ERBB4: variants seen among roughly 807,000 people sequenced by gnomAD.
The protein encoded by ERBB4 is erb-b2 receptor tyrosine kinase 4, also known as receptor tyrosine-protein kinase erbB-4.
A neutral mutation model predicts 158.0 loss-of-function variants in ERBB4; 42 were observed. The ratio of observed to expected loss-of-function variants is 0.27; its 90% CI spans 0.21 to 0.34. The LOEUF (loss-of-function observed/expected upper bound fraction) is 0.34. Ranked by LOEUF, ERBB4 falls within the 10% of genes least tolerant of loss-of-function variation. The probability of loss-of-function intolerance (pLI) is 1.00; values close to 1 mark genes in which losing one functional copy is unlikely to be tolerated. For synonymous variants in ERBB4, 583 were observed against 558.7 expected, an observed-to-expected ratio of 1.04 and a Z score of -0.61; for missense variants, 1,333 against 1,624.1, an observed-to-expected ratio of 0.82 and a Z score of 3.08.
At chr2:211,743,327 C>A (rs151055118) in intron 5 of ERBB4, among the ~76,000 whole-genome samples, 1 of 152,116 alleles carries the variant, frequency 6.6e-6, no homozygotes, top group Non-Finnish European at 1.5e-5. Flanking sequence ...TGGATATATG[C>A]CTTTTTCCCC....
chr2:211,783,023 T>C (rs2076074275), intron 4 of ERBB4, among the ~76,000 whole-genome samples: 2 of 7,348 alleles, frequency 2.7e-4, no homozygotes, highest in South Asian at 0.01. Context: ...TGTTCTTCCA[T>C]TTGTGTCCTA....
intron 19 of ERBB4, among the ~76,000 whole-genome samples, chr2:211,607,741 T>C (rs1399051199): frequency 6.6e-6 from 1 of 152,108 alleles, no homozygotes; most frequent in African/African-American, 2.4e-5. Context: ...ATATGTAGTA[T>C]ACATAGAATA....
chr2:212,355,018 T>G (rs1170040113), intron 1 of ERBB4, among the ~76,000 whole-genome samples: 2 of 152,082 alleles, frequency 1.3e-5, no homozygotes, highest in Non-Finnish European at 2.9e-5. Flanking sequence ...TGATATTTAA[T>G]TTAAATTGCA....
At chr2:211,802,062 AT>A (rs1229799586) in intron 3 of ERBB4, among the ~76,000 whole-genome samples, 3 of 152,154 alleles carry the variant, frequency 2.0e-5, no homozygotes, top group East Asian at 3.9e-4. Flanking sequence ...GATCGAGACC[AT>A]CCTGGCTAAC....
At chr2:211,517,174 T>C (rs2066057697) in intron 20 of ERBB4, among the ~76,000 whole-genome samples, 1 of 152,108 alleles carries the variant, frequency 6.6e-6, no homozygotes. Flanking sequence ...TTAAAAAACT[T>C]TGGTTCTAGC....
intron 2 of ERBB4, among the ~76,000 whole-genome samples, chr2:212,011,133 G>A (rs941238908): frequency 1.3e-5 from 2 of 152,118 alleles, no homozygotes; most frequent in African/African-American, 4.8e-5. Context: ...CTGAGGTGAT[G>A]TACATCCTTA....
intron 3 of ERBB4, among the ~76,000 whole-genome samples, chr2:211,897,160 A>T (rs548146958): frequency 3.3e-5 from 5 of 151,544 alleles, no homozygotes; most frequent in Non-Finnish European, 7.4e-5. Context: ...CTAAAGAAAA[A>T]TATCATAAAA....
chr2:212,399,813 A>T (rs2091149706), intron 1 of ERBB4, among the ~76,000 whole-genome samples: 1 of 151,642 alleles, frequency 6.6e-6, no homozygotes, highest in East Asian at 1.9e-4. Flanking sequence ...CAGGAGGTGG[A>T]GGTTGCAGTG....
At chr2:212,401,771 G>C (rs1455643394) in intron 1 of ERBB4, among the ~76,000 whole-genome samples, 1 of 151,896 alleles carries the variant, frequency 6.6e-6, no homozygotes. Context: ...TTAGAGTATA[G>C]AGTAAGGCTC....
chr2:212,289,982 T>C (rs987252710), intron 1 of ERBB4, among the ~76,000 whole-genome samples: 2 of 152,124 alleles, frequency 1.3e-5, no homozygotes, highest in South Asian at 2.1e-4. Flanking sequence ...TCGTAGCATA[T>C]GTCTAAATAC....
chr2:212,411,751 A>C (rs970713765), intron 1 of ERBB4, among the ~76,000 whole-genome samples: 1 of 152,126 alleles, frequency 6.6e-6, no homozygotes, highest in African/African-American at 2.4e-5. Context: ...TTTGGTTGAG[A>C]TATTTCTTCC....
At chr2:211,541,994 G>A (rs1396133233) in intron 20 of ERBB4, among the ~76,000 whole-genome samples, 1 of 151,408 alleles carries the variant, frequency 6.6e-6, no homozygotes, top group Non-Finnish European at 1.5e-5. Flanking sequence ...ATTAATGGAG[G>A]TAGGGTCCAC....
At position 211,537,747 on chromosome 2, in the gene ERBB4, G is replaced by A. The variant is rs189921987; in HGVS notation, c.2487+24156C>T. Among the ~76,000 whole-genome samples, 8 of 151,950 alleles carry A rather than the reference G, an allele frequency of 5.3e-5. No homozygotes were observed. The East Asian group carries it at 1.6e-3, about 29-fold the overall frequency. On this transcript the variant is annotated intron_variant, in intron 20 of 27. Transcript: ENST00000342788. ...TATGCCTGTATCACACAAAATACAGGCTGAATTGAGTTAAAGGGCTTAATA... is the reference window on the plus strand; with the variant it reads ...TATGCCTGTATCACACAAAATACAGACTGAATTGAGTTAAAGGGCTTAATA...
At chr2:211,659,834 A>T (rs2071352545) in intron 15 of ERBB4, among the ~76,000 whole-genome samples, 2 of 152,206 alleles carry the variant, frequency 1.3e-5, no homozygotes, top group Admixed American at 1.3e-4. Context: ...GCATAAACAG[A>T]TGTGTATTGA....
At chr2:211,879,204 AGAC>A (rs897439939) in intron 3 of ERBB4, among the ~76,000 whole-genome samples, 4 of 152,190 alleles carry the variant, frequency 2.6e-5, no homozygotes, top group African/African-American at 7.2e-5. Flanking sequence ...TAAAAAAAAA[AGAC>A]AACATAAAAC....
chr2:212,021,979 C>T (rs2076661954), intron 2 of ERBB4, among the ~76,000 whole-genome samples: 1 of 152,166 alleles, frequency 6.6e-6, no homozygotes, highest in Non-Finnish European at 1.5e-5. Context: ...GAGATACCAT[C>T]TTACACCAGT....
intron 16 of ERBB4, among the ~76,000 whole-genome samples, chr2:211,642,746 T>A (rs1000982810): frequency 1.3e-5 from 2 of 152,136 alleles, no homozygotes; most frequent in Non-Finnish European, 2.9e-5. Flanking sequence ...TTTACTTCCA[T>A]AAATACTTAC....
intron 20 of ERBB4, among the ~76,000 whole-genome samples, chr2:211,504,388 G>A (rs1372402174): frequency 6.6e-6 from 1 of 151,142 alleles, no homozygotes; most frequent in Non-Finnish European, 1.5e-5. Flanking sequence ...ATAGTACATA[G>A]AAGCAAAGCC....
At chr2:212,328,511 G>A (rs773940369) in intron 1 of ERBB4, among the ~76,000 whole-genome samples, 8 of 151,954 alleles carry the variant, frequency 5.3e-5, no homozygotes, top group Admixed American at 6.6e-5. Flanking sequence ...TATGAAGCTG[G>A]AGATATTATG....
Sources: gnomAD v4.1 joint callset for allele counts (sites outside exome capture counted in the v4.1 genomes callset) on GRCh38, gnomAD v4.1.1 for gene constraint, MANE v1.5 for transcripts, NCBI Gene and HGNC (gene_info 2026-07-23, HGNC 2026-07-21) for gene names.